MIER2: variants seen among roughly 807,000 people sequenced by gnomAD.
MIER2 encodes the protein MIER family member 2.
MIER2 carries 30 observed loss-of-function variants against 67.6 expected under a neutral mutation model. The ratio of observed to expected loss-of-function variants is 0.44; its 90% CI spans 0.33 to 0.60. MIER2 has a LOEUF of 0.60. MIER2 is among the 20% of genes least tolerant of loss of function. The pLI is 0.02. For synonymous variants in MIER2, 372 were observed against 312.6 expected, an observed-to-expected ratio of 1.19 and a Z score of -2.00; for missense variants, 702 against 745.1, an observed-to-expected ratio of 0.94 and a Z score of 0.67.
At chr19:310,420 G>A (rs975022893) in intron 10 of MIER2, among the ~76,000 whole-genome samples, 3 of 152,246 alleles carry the variant, frequency 2.0e-5, no homozygotes, top group Non-Finnish European at 4.4e-5. Context: ...CACTGGCTCA[G>A]GCTGACCAAC....
intron 7 of MIER2, among the ~76,000 whole-genome samples, chr19:324,738 G>A (rs117147873): frequency 0.012 from 1,819 of 152,358 alleles, 91 homozygotes; most frequent in Admixed American, 0.11. Context: ...CATCCCATGG[G>A]ACGAAGAAGT....
intron 10 of MIER2, among the ~76,000 whole-genome samples, chr19:310,469 G>A (rs1043045415): frequency 1.5e-5 from 2 of 133,814 alleles, no homozygotes; most frequent in African/African-American, 3.0e-5. Context: ...GCTGGGCCAG[G>A]ACCTGCCCGG....
chr19:332,398 G>C (rs993285732), intron 3 of MIER2, among the ~76,000 whole-genome samples: 15 of 152,078 alleles, frequency 9.9e-5, no homozygotes, highest in Admixed American at 5.9e-4. Context: ...CGCCTCCTGG[G>C]TTCAAGCGAT....
Position 335,936 on chromosome 19 carries a change from C to G in MIER2, c.100+147G>C, listed in dbSNP as rs563617516. Reference sequence around the variant, plus strand: ...GTCCTGACCACTCTGCCCCACAGCTCCATCTGAACGGGTGGGAGCTGGGAC... The same window carrying G: ...GTCCTGACCACTCTGCCCCACAGCTGCATCTGAACGGGTGGGAGCTGGGAC... On this transcript the variant is annotated intron_variant, in intron 2 of 13. Transcript: ENST00000264819. 1.5e-5 allele frequency: 11 copies of G among 736,238 alleles called. No individual in the cohort carries two copies. In the African/African-American group the frequency reaches 1.9e-4, roughly 13 times the overall value. The allele number at this position is 736,238 out of a possible 1,614,324, so 45.6% of individuals were successfully genotyped here. A position where few individuals can be genotyped will look rare whatever the true frequency, so the allele number is the denominator to read the frequency against.
chr19:333,228 C>T (rs1972104092), intron 3 of MIER2, among the ~76,000 whole-genome samples: 1 of 96,688 alleles, frequency 1.0e-5, no homozygotes. Context: ...GAACTCCTGA[C>T]CTCAGGTGAT....
At chr19:313,755 T>G in intron 7 of MIER2, 112 bp from the exon 8 acceptor site, 2 of 1,427,012 alleles carry the variant, frequency 1.4e-6, no homozygotes, top group Non-Finnish European at 1.9e-6. Flanking sequence ...GCACTGTCCG[T>G]CCTCCCTTTC....
chr19:313,369 C>A, intron 8 of MIER2, 123 bp downstream of exon 8: 1 of 1,456,048 alleles, frequency 6.9e-7, no homozygotes. Flanking sequence ...TGCCCTGGCC[C>A]CCACACACCT....
intron 3 of MIER2, among the ~76,000 whole-genome samples, chr19:332,484 T>C (rs61131955): frequency 0.089 from 13,454 of 151,458 alleles, 1,097 homozygotes; most frequent in East Asian, 0.44. Context: ...GTATTTTTAG[T>C]AGAGACGGGG....
intron 7 of MIER2, among the ~76,000 whole-genome samples, chr19:319,055 C>CAAAAAA (rs71171975): frequency 6.2e-5 from 8 of 129,720 alleles, no homozygotes; most frequent in African/African-American, 1.8e-4. Context: ...GACTCTGTCT[C>CAAAAAA]AAAAAAAAAA....
At position 336,129 on chromosome 19, in the gene MIER2, G is replaced by A. The variant is rs765436449; in HGVS notation, c.54C>T (p.Leu18=). Reference sequence around the variant, plus strand: ...GCTCCCCTGGGCACAGGCTGTGCTCGAGGCAGGAGACCACGCGAGGACTCT... The same window carrying A: ...GCTCCCCTGGGCACAGGCTGTGCTCAAGGCAGGAGACCACGCGAGGACTCT... ...GRQSPRVVSC[L]EHSLCPGEPG... The change falls in exon 2 of 14, where the codon CTC becomes CTT. Residue 18 remains leucine, a synonymous_variant. Coordinates refer to ENST00000264819, the MANE Select transcript of MIER2 (RefSeq NM_017550.3). 9.9e-6 allele frequency: 16 copies of A among 1,613,852 alleles called. No individual in the cohort carries two copies. The highest frequency in any genetic ancestry group is 1.4e-5 in the Non-Finnish European group (16 of 1,179,872).
chr19:344,432 C>A, intron 1 of MIER2: 1 of 967,150 alleles, frequency 1.0e-6, no homozygotes, highest in South Asian at 4.8e-5. Flanking sequence ...CGGAGCCGGA[C>A]CCTGGAACGG....
chr19:324,530 T>C lies in MIER2; in HGVS notation c.655+1105A>G, dbSNP rs769582768. 1.7e-3 allele frequency among the ~76,000 whole-genome samples: 203 copies of C among 122,384 alleles called. 15 individuals are homozygous for C. The highest frequency in any genetic ancestry group is 2.7e-3 in the Non-Finnish European group (168 of 61,856). 80.3% of individuals were successfully genotyped at this position (122,384 alleles called of 152,430 possible). On this transcript the variant is annotated intron_variant, in intron 7 of 13. Transcript: ENST00000264819. ...TCGAAGGACACAGACGTCATCACAA[T>C]GCAATAAAGACACACACAACCACAC...
chr19:324,205 G>A (rs1276570888), intron 7 of MIER2, among the ~76,000 whole-genome samples: 3 of 139,236 alleles, frequency 2.2e-5, no homozygotes, highest in African/African-American at 2.9e-5. Context: ...CAGACGACTC[G>A]AATGACACAG....
intron 8 of MIER2, 30 bp downstream of exon 8, chr19:313,462 C>T: frequency 6.2e-7 from 1 of 1,602,356 alleles, no homozygotes; most frequent in Non-Finnish European, 8.5e-7. Context: ...CAGCCCTCAG[C>T]CCCTCTGTCC....
intron 7 of MIER2, among the ~76,000 whole-genome samples, chr19:317,541 A>T (rs1409994234): frequency 6.9e-6 from 1 of 144,396 alleles, no homozygotes; most frequent in Non-Finnish European, 1.5e-5. Flanking sequence ...AAAATAAATA[A>T]ATAAATAAAT....
chr19:326,814 C>A lies in MIER2; in HGVS notation c.494-216G>T, dbSNP rs573495674. 11 of 587,818 alleles carry A rather than the reference C, an allele frequency of 1.9e-5. No homozygotes were observed. In the African/African-American group the frequency reaches 2.0e-4, roughly 11 times the overall value. 36.4% of individuals were successfully genotyped at this position (587,818 alleles called of 1,614,324 possible). A position where few individuals can be genotyped will look rare whatever the true frequency, so the allele number is the denominator to read the frequency against. On this transcript the variant is annotated intron_variant, in intron 5 of 13. Transcript: ENST00000264819. ...TCTATGCAGCTGCTGCACCTCTGGGCCCCGAGCCCTCAGTTCCCAGGAAAG... is the reference window on the plus strand; with the variant it reads ...TCTATGCAGCTGCTGCACCTCTGGGACCCGAGCCCTCAGTTCCCAGGAAAG...
chr19:336,059 C>T (rs758479916), intron 2 of MIER2, 24 bp downstream of exon 2: 1 of 1,609,616 alleles, frequency 6.2e-7, no homozygotes, highest in Non-Finnish European at 8.5e-7. Context: ...CGGACCTGAG[C>T]AGGGGAAGGA....
chr19:336,082 C>T lies in MIER2; in HGVS notation c.100+1G>A. ...AGCAGGGGAAGGAGGGAGGAAGGTA[C>T]CTGCTGTTGTCTGCAAGCCCGGCTC... is the stretch of plus-strand genomic sequence containing the variant. On this transcript the variant is annotated splice_donor_variant, in intron 2 of 13. Transcript: ENST00000264819. LOFTEE classifies it high-confidence loss of function. 1 of 1,613,380 alleles carries T rather than the reference C, an allele frequency of 6.2e-7. No homozygotes were observed. The highest frequency in any genetic ancestry group is 8.5e-7 in the Non-Finnish European group (1 of 1,179,524).
chr19:327,186 G>A lies in MIER2; in HGVS notation c.440C>T (p.Thr147Ile). Residue 147 changes from threonine (T) to isoleucine (I), a missense_variant, in exon 5 of 14, where the codon ACC (threonine) becomes ATC (isoleucine). Physicochemically the swap from Thr to Ile is moderately conservative, Grantham distance 89. Coordinates refer to ENST00000264819, the MANE Select transcript of MIER2 (RefSeq NM_017550.3). ...GGCCTCGTGGGAGGTCACGGACGGG[G>A]TGAGGTCGTCAGCAGATGATTGCGT... is the stretch of plus-strand genomic sequence containing the variant. ...EETQSSADDL[T>I]PSVTSHEASD... 2 of 1,597,706 alleles carry A rather than the reference G, an allele frequency of 1.3e-6. No homozygotes were observed. Among genetic ancestry groups the A allele is most frequent in the Non-Finnish European group, 1.7e-6 (2 of 1,175,216 alleles).
Sources: allele counts gnomAD v4.1 joint callset (sites outside exome capture counted in the v4.1 genomes callset), GRCh38; gene constraint gnomAD v4.1.1; transcripts MANE v1.5; gene names NCBI Gene and HGNC (gene_info 2026-07-23, HGNC 2026-07-21).